Variants in CTPS1 observed in about 807,000 individuals in gnomAD.
The protein encoded by CTPS1 is CTP synthase 1, also known as CTP synthetase 1.
CTPS1 carries 25 observed loss-of-function variants against 80.5 expected under a neutral mutation model. That is an observed-to-expected ratio of 0.31 (90% CI 0.23 to 0.43). The LOEUF (loss-of-function observed/expected upper bound fraction) is 0.43, where lower values mean the gene tolerates loss of function less well. Among genes scored for constraint, CTPS1 ranks in the 20% least tolerant of loss-of-function variants. The probability of loss-of-function intolerance (pLI) is 1.00; values close to 1 mark genes in which losing one functional copy is unlikely to be tolerated. For missense variants in CTPS1, 442 were observed against 725.7 expected, an observed-to-expected ratio of 0.61 and a Z score of 4.49; for synonymous variants, 267 against 252.5, an observed-to-expected ratio of 1.06 and a Z score of -0.54.
At chr1:41,000,984 T>A in intron 9 of CTPS1, 45 bp from the exon 10 acceptor site, 1 of 1,350,970 alleles carries the variant, frequency 7.4e-7, no homozygotes, top group Non-Finnish European at 1.0e-6. Context: ...ACGCACAGCC[T>A]GGGGTCACGA....
intron 1 of CTPS1, chr1:40,980,770 T>G (rs892956702): frequency 2.0e-5 from 3 of 152,306 alleles, no homozygotes; most frequent in South Asian, 2.1e-4. Context: ...TAAGTTCAGA[T>G]TGGGCATGCC....
chr1:41,001,205 G>A, intron 10 of CTPS1, 88 bp downstream of exon 10: 3 of 842,262 alleles, frequency 3.6e-6, no homozygotes, highest in Non-Finnish European at 5.5e-6. Context: ...GCCAGTAGTA[G>A]GTAATTGACT....
chr1:41,003,098 T>G lies in CTPS1; in HGVS notation c.1190-16T>G. ...TTTCAATGGAGTTTTGTTTGTTTTT[T>G]CCCCCCGACTGGAAGGCGTGTGCTT... is the stretch of plus-strand genomic sequence containing the variant. On this transcript the variant is annotated splice_polypyrimidine_tract_variant and intron_variant, in intron 11 of 18. Transcript: ENST00000650070. 6.2e-7 allele frequency: 1 copy of G among 1,614,034 alleles called. No homozygotes were observed. The highest frequency in any genetic ancestry group is 8.5e-7 in the Non-Finnish European group (1 of 1,179,952).
In CTPS1 at chr1:40,998,884, C is replaced by T. The variant is rs574767317; in HGVS notation, c.1005+1358C>T. Among the ~76,000 whole-genome samples, 9 of 152,294 alleles carry T rather than the reference C, an allele frequency of 5.9e-5. No homozygotes were observed. In the South Asian group the frequency reaches 1.9e-3, roughly 32 times the overall value. On this transcript the variant is annotated intron_variant, in intron 9 of 18. Transcript: ENST00000650070. Reference sequence around the variant, plus strand: ...GGTTCCTGCAGAATGGCCTGTTGTACGAGTTTTAAGAATTTAAATCCCATT... The same window carrying T: ...GGTTCCTGCAGAATGGCCTGTTGTATGAGTTTTAAGAATTTAAATCCCATT...
In CTPS1 at chr1:41,009,468, C is replaced by T; in HGVS notation, c.1570C>T (p.Gln524Ter). 1 of 1,594,704 alleles carries T rather than the reference C, an allele frequency of 6.3e-7. No individual in the cohort carries two copies. The highest frequency in any genetic ancestry group is 1.4e-5 in the African/African-American group (1 of 73,670). Residue 524 changes from glutamine (Q) to a stop codon, truncating the protein, a stop_gained, in exon 17 of 19, where the codon CAG becomes TAG. Transcript: ENST00000650070. LOFTEE classifies it high-confidence loss of function. ...LEDHPFFVGV[Q>*]YHPEFLSRPI... Reference sequence around the variant, plus strand: ...AGATCATCCCTTTTTTGTTGGGGTTCAGTACCACCCTGAGTTCCTGTCCAG... The same window carrying T: ...AGATCATCCCTTTTTTGTTGGGGTTTAGTACCACCCTGAGTTCCTGTCCAG...
chr1:41,009,465 G>T lies in CTPS1; in HGVS notation c.1567G>T (p.Val523Phe). 6.3e-7 allele frequency: 1 copy of T among 1,589,920 alleles called. No individual in the cohort carries two copies. Among genetic ancestry groups the T allele is most frequent in the Non-Finnish European group, 8.5e-7 (1 of 1,171,192 alleles). ...TTCAGATCATCCCTTTTTTGTTGGG[G>T]TTCAGTACCACCCTGAGTTCCTGTC... ...ELEDHPFFVG[V>F]QYHPEFLSRP... The change falls in exon 17 of 19, where the codon GTT (valine) becomes TTT (phenylalanine). Residue 523 changes from valine (V) to phenylalanine (F), a missense_variant. Transcript: ENST00000650070.
intron 1 of CTPS1, chr1:40,981,230 G>A (rs1043853138): frequency 3.3e-5 from 5 of 152,202 alleles, no homozygotes; most frequent in Non-Finnish European, 7.3e-5. Flanking sequence ...TAGCTGTCAT[G>A]TAAGTCAGTA....
In CTPS1 at chr1:40,983,055, A is replaced by C. The variant is rs538791045; in HGVS notation, c.-13-223A>C. 4 of 398,940 alleles carry C rather than the reference A, an allele frequency of 1.0e-5. No homozygotes were observed. The South Asian group carries it at 1.4e-4, about 14-fold the overall frequency. The allele number at this position is 398,940 out of a possible 1,614,324, so 24.7% of individuals were successfully genotyped here. ...ACAAAAGCTGTGTTATTAGAGTAGC[A>C]GTTGTTTTTCTACACGTATTTGACT... On this transcript the variant is annotated intron_variant, in intron 1 of 18. Transcript: ENST00000650070.
chr1:40,989,769 C>T (rs979635717), intron 5 of CTPS1, among the ~76,000 whole-genome samples: 9 of 151,978 alleles, frequency 5.9e-5, no homozygotes, highest in Non-Finnish European at 1.3e-4. Flanking sequence ...AAGCTATATC[C>T]GTTAGGTAAG....
chr1:40,992,067 C>T (rs1191552883), intron 7 of CTPS1, among the ~76,000 whole-genome samples: 2 of 152,156 alleles, frequency 1.3e-5, no homozygotes, highest in Admixed American at 1.3e-4. Context: ...GTGCTTCAGC[C>T]GGGTGGAGTA....
chr1:41,011,245 A>G (rs1248719242), intron 18 of CTPS1, among the ~76,000 whole-genome samples: 1 of 152,200 alleles, frequency 6.6e-6, no homozygotes, highest in East Asian at 1.9e-4. Flanking sequence ...AGCGTTTAAC[A>G]CGGATGGACT....
chr1:40,984,675 CAT>C, intron 2 of CTPS1, 144 bp from the exon 3 acceptor site: 1 of 571,688 alleles, frequency 1.7e-6, no homozygotes, highest in South Asian at 5.0e-5. Flanking sequence ...TTTTGTGTGT[CAT>C]ATTTAGTCTT....
At position 41,008,661 on chromosome 1, in the gene CTPS1, A is replaced by G; in HGVS notation, c.1396A>G (p.Lys466Glu). Reference protein sequence around the residue: ...LFQTKNSVMRKLYGDADYLEE... With the variant: ...LFQTKNSVMRELYGDADYLEE... ...ATACAGCCCGTTTGTTTTGCCAGGG[A>G]AACTCTATGGAGACGCAGACTACTT... Residue 466 changes from lysine to glutamate, a missense_variant and splice_region_variant, in exon 15 of 19, where the codon AAA (lysine) becomes GAA (glutamate). By Grantham distance (56) the Lys-to-Glu change is moderately conservative (BLOSUM62 1). This residue lies in a region of CTPS1 where 321 missense variants were observed against 467.2 expected (regional missense o/e 0.69). Coordinates refer to ENST00000650070, the MANE Select transcript of CTPS1 (RefSeq NM_001905.4). The G allele has an allele frequency of 1.9e-6, 3 of 1,614,152 alleles. No individual in the cohort carries two copies. The highest frequency in any genetic ancestry group is 2.5e-6 in the Non-Finnish European group (3 of 1,180,006).
At chr1:41,010,084 G>A (rs142825737) in intron 17 of CTPS1, 77 bp from the exon 18 acceptor site, 3 of 924,800 alleles carry the variant, frequency 3.2e-6, no homozygotes, top group African/African-American at 3.3e-5. Context: ...GTCCCTGTAG[G>A]AACCGTGGTT....
At chr1:41,008,320 C>T (rs1431342601) in intron 14 of CTPS1, among the ~76,000 whole-genome samples, 6 of 129,574 alleles carry the variant, frequency 4.6e-5, no homozygotes, top group Non-Finnish European at 9.0e-5. Flanking sequence ...CATCCTGCCA[C>T]GTTCCCAGGG....
At chr1:41,002,097 G>A (rs889385917) in intron 10 of CTPS1, 63 bp from the exon 11 acceptor site, 3 of 1,457,184 alleles carry the variant, frequency 2.1e-6, no homozygotes, top group Non-Finnish European at 2.9e-6. Flanking sequence ...CCCGTTAGGC[G>A]ATTATTGCAA....
chr1:40,991,149 TTC>T lies in CTPS1; in HGVS notation c.556-14_556-13del. The T allele has an allele frequency of 3.2e-6, 5 of 1,565,456 alleles. No homozygotes were observed. Among genetic ancestry groups the T allele is most frequent in the Admixed American group, 2.1e-5 (1 of 46,966 alleles). On this transcript the variant is annotated splice_polypyrimidine_tract_variant and intron_variant, in intron 5 of 18. Transcript: ENST00000650070. ...GAGGGAAACTAACTTTTTTTTTTTT[TTC>T]TTTTGTGAAATAGCCAAGTTCAACA...
At chr1:40,992,980 G>C (rs1434601692) in intron 7 of CTPS1, among the ~76,000 whole-genome samples, 1 of 147,598 alleles carries the variant, frequency 6.8e-6, no homozygotes, top group East Asian at 2.1e-4. Flanking sequence ...AGGTGTGAGG[G>C]CGCCCGGCCT....
intron 1 of CTPS1, chr1:40,981,277 C>CT (rs1250286285): frequency 6.6e-6 from 1 of 152,174 alleles, no homozygotes; most frequent in African/African-American, 2.4e-5. Flanking sequence ...CCCGCCTGAT[C>CT]TTTATGTACA....
Sources: allele counts gnomAD v4.1 joint callset (sites outside exome capture counted in the v4.1 genomes callset), GRCh38; gene constraint gnomAD v4.1.1; regional missense constraint gnomAD v4.1.1; transcripts MANE v1.5; gene names NCBI Gene and HGNC (gene_info 2026-07-23, HGNC 2026-07-21).